ENPP6: variants seen among roughly 807,000 people sequenced by gnomAD.
The protein encoded by ENPP6 is glycerophosphocholine cholinephosphodiesterase ENPP6.
Under a neutral mutation model 42.0 loss-of-function variants are expected in ENPP6, and 32 were observed. The observed-to-expected ratio is 0.76, with a 90% CI of 0.58 to 1.02. The LOEUF is 1.02. Among genes scored for constraint, ENPP6 ranks in the 50% least tolerant of loss-of-function variants. ENPP6 has a pLI of 0.00. For missense variants in ENPP6, 552 were observed against 566.8 expected, an observed-to-expected ratio of 0.97 and a Z score of 0.27; for synonymous variants, 213 against 216.0, an observed-to-expected ratio of 0.99 and a Z score of 0.12.
At chr4:184,167,711 G>A (rs964151152) in intron 1 of ENPP6, among the ~76,000 whole-genome samples, 3 of 152,158 alleles carry the variant, frequency 2.0e-5, no homozygotes, top group Admixed American at 6.5e-5. Context: ...CCAAGTTCAC[G>A]GCCTCGGGCC....
chr4:184,148,506 A>C (rs1275097653), intron 2 of ENPP6, among the ~76,000 whole-genome samples: 1 of 152,236 alleles, frequency 6.6e-6, no homozygotes, highest in Non-Finnish European at 1.5e-5. Flanking sequence ...ATTTCTCTGC[A>C]GCAGAAATGG....
chr4:184,174,327 G>GT (rs760740487), intron 1 of ENPP6, among the ~76,000 whole-genome samples: 44 of 150,820 alleles, frequency 2.9e-4, no homozygotes, highest in Non-Finnish European at 3.8e-4. Context: ...TAGTAGTATA[G>GT]TTTTTTTTTG....
intron 1 of ENPP6, among the ~76,000 whole-genome samples, chr4:184,164,275 G>C (rs905783798): frequency 6.6e-6 from 1 of 152,162 alleles, no homozygotes; most frequent in Admixed American, 6.5e-5. Context: ...AGTGACGCTT[G>C]CTATATTGTA....
chr4:184,162,854 A>G (rs1326536759), intron 1 of ENPP6, among the ~76,000 whole-genome samples: 1 of 152,092 alleles, frequency 6.6e-6, no homozygotes, highest in Non-Finnish European at 1.5e-5. Flanking sequence ...GGGTTTTACA[A>G]AGGTGTGGGC....
At chr4:184,120,314 A>G (rs753157441) in intron 3 of ENPP6, among the ~76,000 whole-genome samples, 5 of 152,152 alleles carry the variant, frequency 3.3e-5, no homozygotes, top group Non-Finnish European at 4.4e-5. Context: ...TCCAGGCACC[A>G]CTGAGGCTCT....
At chr4:184,186,769 G>T (rs962816127) in intron 1 of ENPP6, among the ~76,000 whole-genome samples, 1 of 152,192 alleles carries the variant, frequency 6.6e-6, no homozygotes, top group Non-Finnish European at 1.5e-5. Context: ...TTGCCCCGCC[G>T]TGGCCTGGGC....
intron 2 of ENPP6, among the ~76,000 whole-genome samples, chr4:184,142,559 T>C (rs1736841693): frequency 6.6e-6 from 1 of 152,212 alleles, no homozygotes; most frequent in Non-Finnish European, 1.5e-5. Flanking sequence ...GAGGGTGGGC[T>C]AGCCTGAGCG....
At chr4:184,113,873 CTCTT>C (rs1388596952) in intron 5 of ENPP6, among the ~76,000 whole-genome samples, 2 of 151,456 alleles carry the variant, frequency 1.3e-5, no homozygotes, top group Admixed American at 6.6e-5. Context: ...CTCTCTCTTT[CTCTT>C]TCTTTTTCCT....
chr4:184,209,025 C>T (rs62341626), intron 1 of ENPP6, among the ~76,000 whole-genome samples: 1 of 144,408 alleles, frequency 6.9e-6, no homozygotes, highest in Non-Finnish European at 1.5e-5. Flanking sequence ...AGCTGAGGGT[C>T]CTGTCTGTTA....
At chr4:184,134,712 T>A (rs377060841) in intron 2 of ENPP6, among the ~76,000 whole-genome samples, 1 of 151,972 alleles carries the variant, frequency 6.6e-6, no homozygotes, top group African/African-American at 2.4e-5. Flanking sequence ...CTTTGTTGTA[T>A]GTTTATTTTC....
chr4:184,155,234 A>T (rs1363096770), intron 1 of ENPP6, among the ~76,000 whole-genome samples: 1 of 152,216 alleles, frequency 6.6e-6, no homozygotes, highest in Non-Finnish European at 1.5e-5. Context: ...AGTATATGAA[A>T]GTTGAATCAT....
chr4:184,128,265 C>T (rs1250776580), intron 2 of ENPP6, among the ~76,000 whole-genome samples: 1 of 152,208 alleles, frequency 6.6e-6, no homozygotes, highest in Non-Finnish European at 1.5e-5. Flanking sequence ...ACTGCAACTT[C>T]CACCTCCCGG....
intron 2 of ENPP6, among the ~76,000 whole-genome samples, chr4:184,150,209 C>T (rs971506950): frequency 8.5e-5 from 13 of 152,134 alleles, no homozygotes; most frequent in South Asian, 2.1e-4. Flanking sequence ...CTATATTAAA[C>T]GCCTCAAGAC....
chr4:184,202,991 C>T (rs1301093895), intron 1 of ENPP6, among the ~76,000 whole-genome samples: 1 of 152,158 alleles, frequency 6.6e-6, no homozygotes, highest in South Asian at 2.1e-4. Flanking sequence ...TGCCTGTAAT[C>T]CCAGCACTTT....
At position 184,158,969 on chromosome 4, in the gene ENPP6, C is replaced by T. The variant is rs554401264; in HGVS notation, c.242-5236G>A. 2.0e-5 allele frequency among the ~76,000 whole-genome samples: 3 copies of T among 152,314 alleles called. No homozygotes were observed. The South Asian group carries it at 6.2e-4, about 32-fold the overall frequency. On this transcript the variant is annotated intron_variant, in intron 1 of 7. Coordinates refer to ENST00000296741, the MANE Select transcript of ENPP6 (RefSeq NM_153343.4). ...AATTCCACTTACATTTGATTCAAAT[C>T]CTGCAAAGTTATTTTCCAGTACAGT...
intron 1 of ENPP6, among the ~76,000 whole-genome samples, chr4:184,206,409 C>T (rs34697589): frequency 0.024 from 1,771 of 73,620 alleles, 96 homozygotes; most frequent in East Asian, 0.092. Flanking sequence ...AGGCGGGCGC[C>T]ACCAGGCCCG....
intron 7 of ENPP6, 67 bp from the exon 8 acceptor site, chr4:184,091,449 T>A: frequency 7.1e-7 from 1 of 1,415,732 alleles, no homozygotes; most frequent in South Asian, 1.3e-5. Flanking sequence ...CTGAACGCAA[T>A]AAAGAAGAAT....
At chr4:184,196,459 G>C (rs1248792732) in intron 1 of ENPP6, among the ~76,000 whole-genome samples, 2 of 152,222 alleles carry the variant, frequency 1.3e-5, no homozygotes, top group Non-Finnish European at 2.9e-5. Flanking sequence ...GTATGACTAT[G>C]TATGTCAATA....
chr4:184,170,170 C>T (rs1156899180), intron 1 of ENPP6, among the ~76,000 whole-genome samples: 1 of 152,218 alleles, frequency 6.6e-6, no homozygotes, highest in Non-Finnish European at 1.5e-5. Flanking sequence ...TGGCTCACGC[C>T]TGTAATCCCA....
Sources: allele counts gnomAD v4.1 joint callset (sites outside exome capture counted in the v4.1 genomes callset), GRCh38; gene constraint gnomAD v4.1.1; transcripts MANE v1.5; gene names NCBI Gene and HGNC (gene_info 2026-07-23, HGNC 2026-07-21).